Variants in TENM4 observed in about 807,000 individuals in gnomAD.
The protein encoded by TENM4 is teneurin-4.
TENM4 carries 82 observed loss-of-function variants against 243.3 expected under a neutral mutation model. That is an observed-to-expected ratio of 0.34 (90% confidence interval 0.28 to 0.40). The LOEUF (loss-of-function observed/expected upper bound fraction) is 0.40. Among genes scored for constraint, TENM4 ranks in the 10% least tolerant of loss-of-function variants. The pLI, the probability that TENM4 is intolerant of heterozygous loss-of-function variation, is 1.00. For synonymous variants in TENM4, 1,412 were observed against 1,456.3 expected (o/e 0.97, Z 0.69); for missense variants, 3,138 against 3,673.3 (o/e 0.85, Z 3.77).
chr11:79,069,627 T>C (rs1052937154), intron 5 of TENM4, 95 bp downstream of exon 5: 62 of 1,435,362 alleles, frequency 4.3e-5, no homozygotes, highest in Admixed American at 5.0e-5. Context: ...AGCTCACCTG[T>C]GCCACGCCCA....
At chr11:78,883,104 C>T (rs2136277423) in intron 9 of TENM4, among the ~76,000 whole-genome samples, 1 of 152,370 alleles carries the variant, frequency 6.6e-6, no homozygotes, top group African/African-American at 2.4e-5. Flanking sequence ...ACTCCTGCCA[C>T]ACTGTGGGTG....
At chr11:79,060,638 A>T (rs1860062418) in intron 6 of TENM4, among the ~76,000 whole-genome samples, 1 of 152,128 alleles carries the variant, frequency 6.6e-6, no homozygotes, top group Non-Finnish European at 1.5e-5. Flanking sequence ...ACGCCTGCAG[A>T]CTCAAATGGA....
intron 1 of TENM4, among the ~76,000 whole-genome samples, chr11:79,347,164 G>A (rs1857339082): frequency 6.6e-6 from 1 of 152,154 alleles, no homozygotes; most frequent in African/African-American, 2.4e-5. Flanking sequence ...AACTTCACTA[G>A]TGCCAGCTCC....
rs1208560452 is a variant in TENM4 at position 79,139,026 on chromosome 11, ATAT to A, written c.-66+9681_-66+9683del. Among the ~76,000 whole-genome samples, 2 of 42,520 alleles carry A rather than the reference ATAT, an allele frequency of 4.7e-5. 1 individual carries two copies. 27.9% of individuals were successfully genotyped at this position (42,520 alleles called of 152,430 possible). A position where few individuals can be genotyped will look rare whatever the true frequency, so the allele number is the denominator to read the frequency against. The stretch of plus-strand genomic sequence containing the variant: ...ATATATATTATATTTCTATAAATAT[ATAT>A]TATATTTCTATAAATATATAAAATA... On this transcript the variant is annotated intron_variant, in intron 4 of 33. Coordinates refer to ENST00000278550, the MANE Select transcript of TENM4 (RefSeq NM_001098816.3).
At chr11:79,300,171 T>C (rs1856527870) in intron 1 of TENM4, among the ~76,000 whole-genome samples, 1 of 152,236 alleles carries the variant, frequency 6.6e-6, no homozygotes, top group South Asian at 2.1e-4. Flanking sequence ...ATTTTCTTTC[T>C]GACTATTCAC....
chr11:79,259,794 C>T (rs1317645529), intron 2 of TENM4, among the ~76,000 whole-genome samples: 1 of 152,158 alleles, frequency 6.6e-6, no homozygotes, highest in Admixed American at 6.5e-5. Context: ...GCGCTAGGTA[C>T]CAGCAAGCAA....
chr11:78,825,827 G>C (rs1448202012), intron 12 of TENM4, among the ~76,000 whole-genome samples: 2 of 152,224 alleles, frequency 1.3e-5, no homozygotes. Flanking sequence ...TTCATGTCAA[G>C]TCTGTCTCTG....
At chr11:78,676,124 C>G in intron 30 of TENM4, 28 bp downstream of exon 30, 1 of 1,465,128 alleles carries the variant, frequency 6.8e-7, no homozygotes, top group Non-Finnish European at 9.1e-7. Flanking sequence ...CCCCCCAGGA[C>G]GCAGCCACCT....
intron 3 of TENM4, among the ~76,000 whole-genome samples, chr11:79,149,485 TATC>T (rs1381656768): frequency 3.9e-5 from 6 of 152,188 alleles, no homozygotes; most frequent in African/African-American, 1.4e-4. Flanking sequence ...TAATTTCTGT[TATC>T]ATTTCTTTTT....
intron 6 of TENM4, among the ~76,000 whole-genome samples, chr11:78,921,438 A>G (rs531980815): frequency 1.3e-5 from 2 of 152,364 alleles, no homozygotes; most frequent in South Asian, 4.1e-4. Context: ...GCATTTAGGA[A>G]TATTTCTAGA....
chr11:79,357,343 A>C (rs1472435139), intron 1 of TENM4, among the ~76,000 whole-genome samples: 1 of 152,216 alleles, frequency 6.6e-6, no homozygotes, highest in Non-Finnish European at 1.5e-5. Context: ...TCCTGAGGCC[A>C]CTTTCATAGC....
At chr11:78,996,597 G>A (rs1858177990) in intron 6 of TENM4, among the ~76,000 whole-genome samples, 1 of 152,176 alleles carries the variant, frequency 6.6e-6, no homozygotes, top group South Asian at 2.1e-4. Context: ...GAAGGGATAG[G>A]AAGGTTTGCT....
At chr11:79,031,982 T>A (rs1859252329) in intron 6 of TENM4, among the ~76,000 whole-genome samples, 1 of 152,170 alleles carries the variant, frequency 6.6e-6, no homozygotes, top group South Asian at 2.1e-4. Context: ...TGGCTCCAAA[T>A]GTGAGGGTTG....
intron 6 of TENM4, among the ~76,000 whole-genome samples, chr11:78,925,611 C>T (rs1412899694): frequency 6.6e-6 from 1 of 151,370 alleles, no homozygotes; most frequent in Non-Finnish European, 1.5e-5. Context: ...CACACTCCTC[C>T]ATGTCAGTTT....
chr11:79,267,265 C>G (rs1313444165), intron 2 of TENM4, among the ~76,000 whole-genome samples: 1 of 152,188 alleles, frequency 6.6e-6, no homozygotes, highest in Non-Finnish European at 1.5e-5. Flanking sequence ...TGGCCTATTG[C>G]AAAGCCTTCT....
At chr11:78,777,995 A>G (rs1025530697) in intron 17 of TENM4, among the ~76,000 whole-genome samples, 3 of 152,262 alleles carry the variant, frequency 2.0e-5, no homozygotes, top group South Asian at 2.1e-4. Context: ...AAACTTACCA[A>G]AGTCAGGCCT....
intron 6 of TENM4, among the ~76,000 whole-genome samples, chr11:78,923,282 C>A (rs749836663): frequency 6.6e-6 from 1 of 152,018 alleles, no homozygotes. Context: ...TGCCTGGGGC[C>A]CCATAAAAGA....
intron 3 of TENM4, among the ~76,000 whole-genome samples, chr11:79,173,616 C>T (rs1485760698): frequency 3.3e-5 from 5 of 152,132 alleles, no homozygotes; most frequent in East Asian, 1.9e-4. Flanking sequence ...TTTCTCAACA[C>T]GCTTAGGACT....
At chr11:79,080,390 G>A (rs11237708) in intron 4 of TENM4, among the ~76,000 whole-genome samples, 52,334 of 152,128 alleles carry the variant, frequency 0.34, 9,303 homozygotes, top group Middle Eastern at 0.44. Flanking sequence ...ACAGACACCC[G>A]GGGTAGGGGG....
Sources: gnomAD v4.1 joint callset for allele counts (sites outside exome capture counted in the v4.1 genomes callset) on GRCh38, gnomAD v4.1.1 for gene constraint, MANE v1.5 for transcripts, NCBI Gene and HGNC (gene_info 2026-07-23, HGNC 2026-07-21) for gene names.